TMC2: variants seen among roughly 807,000 people sequenced by gnomAD.
TMC2 encodes the protein transmembrane channel like 2.
Under a neutral mutation model 105.9 loss-of-function variants are expected in TMC2, and 102 were observed. That is an observed-to-expected ratio of 0.96 (90% confidence interval 0.82 to 1.14). TMC2 has a LOEUF of 1.14. TMC2 is among the 50% of genes most tolerant of loss of function. The pLI, the probability that TMC2 is intolerant of heterozygous loss-of-function variation, is 0.00. For synonymous variants in TMC2, 402 were observed against 422.8 expected (o/e 0.95, Z 0.60); for missense variants, 1,093 against 1,134.3 (o/e 0.96, Z 0.52).
chr20:2,537,878 A>C (rs1161105342), intron 2 of TMC2, among the ~76,000 whole-genome samples: 1 of 152,158 alleles, frequency 6.6e-6, no homozygotes, highest in Non-Finnish European at 1.5e-5. Flanking sequence ...CCACACTCAC[A>C]GGCTGGGCAT....
chr20:2,548,728 C>T (rs1187036549), intron 2 of TMC2, among the ~76,000 whole-genome samples: 1 of 151,890 alleles, frequency 6.6e-6, no homozygotes, highest in South Asian at 2.1e-4. Context: ...TTTATAATAC[C>T]TAAAAATCTT....
chr20:2,579,384 T>TTTTTTTTA (rs781248394), intron 6 of TMC2, among the ~76,000 whole-genome samples, 157 bp downstream of exon 6: 154 of 147,274 alleles, frequency 1.0e-3, no homozygotes, highest in East Asian at 2.8e-3. Flanking sequence ...AAGATTTATT[T>TTTTTTTTA]TTTATTTATT....
At chr20:2,537,480 G>T (rs1416616168) in intron 2 of TMC2, among the ~76,000 whole-genome samples, 164 bp downstream of exon 2, 2 of 152,128 alleles carry the variant, frequency 1.3e-5, no homozygotes, top group African/African-American at 4.8e-5. Context: ...AACATGGGAG[G>T]GGGCAGAGTA....
rs552039350 is a variant in TMC2, at chr20:2,577,852, G to A, written c.646-1294G>A. Among the ~76,000 whole-genome samples the A allele has an allele frequency of 9.9e-5, 15 of 152,150 alleles. No homozygotes were observed. The South Asian group carries it at 1.7e-3, about 17-fold the overall frequency. ...CAAGGCTGCAGTGAGCCATGTTTGC[G>A]CCACCTGCACTCGGCCTGGGCAGCA... On this transcript the variant is annotated intron_variant, in intron 5 of 19. Transcript: ENST00000358864.
intron 17 of TMC2, among the ~76,000 whole-genome samples, chr20:2,624,636 C>G (rs751036676): frequency 6.6e-6 from 1 of 152,162 alleles, no homozygotes; most frequent in Non-Finnish European, 1.5e-5. Context: ...GCCTCAGACT[C>G]AGCCCTCCCT....
chr20:2,586,413 A>G (rs533169128), intron 7 of TMC2, among the ~76,000 whole-genome samples: 1 of 152,306 alleles, frequency 6.6e-6, no homozygotes, highest in Admixed American at 6.5e-5. Flanking sequence ...TTGTGTTGCT[A>G]TGAAGAAATA....
At chr20:2,544,943 C>A (rs2085913456) in intron 2 of TMC2, among the ~76,000 whole-genome samples, 1 of 151,682 alleles carries the variant, frequency 6.6e-6, no homozygotes. Context: ...TACTTGTAGT[C>A]CTAGCTATTC....
chr20:2,599,588 A>C (rs1250040727), intron 10 of TMC2, among the ~76,000 whole-genome samples: 1 of 108,730 alleles, frequency 9.2e-6, no homozygotes, highest in Non-Finnish European at 1.7e-5. Context: ...CTCTGGCTGG[A>C]GTGCCATGCC....
At chr20:2,637,021 A>C (rs889648112) in intron 18 of TMC2, among the ~76,000 whole-genome samples, 1 of 152,204 alleles carries the variant, frequency 6.6e-6, no homozygotes, top group Non-Finnish European at 1.5e-5. Flanking sequence ...TTGCTATGTG[A>C]ATCTGAGAGC....
At chr20:2,621,314 A>C (rs945402125) in intron 16 of TMC2, among the ~76,000 whole-genome samples, 1 of 151,202 alleles carries the variant, frequency 6.6e-6, no homozygotes, top group African/African-American at 2.4e-5. Flanking sequence ...GTGAGCCAAG[A>C]TCATGCCACT....
At chr20:2,598,959 A>C (rs1418669585) in intron 10 of TMC2, among the ~76,000 whole-genome samples, 2 of 152,270 alleles carry the variant, frequency 1.3e-5, no homozygotes, top group Non-Finnish European at 2.9e-5. Flanking sequence ...CAAAGCAGAA[A>C]AACCCTTCTG....
chr20:2,548,941 A>G lies in TMC2; in HGVS notation c.83-9515A>G, dbSNP rs118030931. 1.0e-3 allele frequency among the ~76,000 whole-genome samples: 154 copies of G among 152,352 alleles called. 1 individual carries two copies. The East Asian group carries it at 0.029, about 28-fold the overall frequency. ...CTCAAGTAGAATAAAAACGTAAGCT[A>G]GTCTTTTACTTAATGCTGAAAAACC... On this transcript the variant is annotated intron_variant, in intron 2 of 19. Coordinates refer to ENST00000358864, the MANE Select transcript of TMC2 (RefSeq NM_080751.3).
chr20:2,538,680 T>C (rs1190567085), intron 2 of TMC2, among the ~76,000 whole-genome samples: 1 of 152,222 alleles, frequency 6.6e-6, no homozygotes, highest in Non-Finnish European at 1.5e-5. Context: ...ACACAAACCC[T>C]TTCCTACTGA....
chr20:2,615,208 G>A (rs1568525587), intron 14 of TMC2, among the ~76,000 whole-genome samples: 1 of 152,162 alleles, frequency 6.6e-6, no homozygotes, highest in Non-Finnish European at 1.5e-5. Context: ...TGTAATCCCA[G>A]CTACTTGGGA....
intron 4 of TMC2, among the ~76,000 whole-genome samples, chr20:2,571,781 C>G (rs1204949616): frequency 2.0e-5 from 3 of 152,180 alleles, no homozygotes; most frequent in Non-Finnish European, 2.9e-5. Flanking sequence ...CAGGTGACTG[C>G]TTGAGCTCAG....
At chr20:2,629,529 T>TAAAAAAAAAAA (rs56821075) in intron 17 of TMC2, among the ~76,000 whole-genome samples, 5 of 116,066 alleles carry the variant, frequency 4.3e-5, no homozygotes, top group African/African-American at 9.8e-5. Context: ...CTTACAGAAG[T>TAAAAAAAAAAA]AAAAAAAAAA....
chr20:2,574,511 C>T (rs6050260), intron 5 of TMC2, among the ~76,000 whole-genome samples: 69,965 of 151,946 alleles, frequency 0.46, 17,981 homozygotes, highest in South Asian at 0.65. Context: ...TAGTAGAGAT[C>T]GAGAGCCATT....
chr20:2,559,863 C>T (rs1361629272), intron 3 of TMC2, among the ~76,000 whole-genome samples: 1 of 152,072 alleles, frequency 6.6e-6, no homozygotes, highest in Non-Finnish European at 1.5e-5. Flanking sequence ...CCCTGGGTGC[C>T]CTGAACTTTA....
Position 2,592,262 on chromosome 20 carries a change from G to A in TMC2, c.835-48G>A, listed in dbSNP as rs1292563799. On this transcript the variant is annotated intron_variant, in intron 7 of 19. Transcript: ENST00000358864. The surrounding 1 kb of genome is among the most constrained non-coding windows in gnomAD (Gnocchi z 4.9). ...CCCCAGTATATGAATGTCTCTGTGT[G>A]TTTGTATTTCCTCCACTCATACTTG... The A allele has an allele frequency of 1.6e-6, 2 of 1,249,544 alleles. No individual in the cohort carries two copies. Among genetic ancestry groups the A allele is most frequent in the African/African-American group, 1.5e-5 (1 of 68,054 alleles). The allele number at this position is 1,249,544 out of a possible 1,614,324, so 77.4% of individuals were successfully genotyped here.
Sources: gnomAD v4.1 joint callset for allele counts (sites outside exome capture counted in the v4.1 genomes callset) on GRCh38, gnomAD v4.1.1 for gene constraint, Gnocchi (gnomAD v3.1) non-coding constraint, MANE v1.5 for transcripts, NCBI Gene and HGNC (gene_info 2026-07-23, HGNC 2026-07-21) for gene names.